CSMD1: variants seen among roughly 807,000 people sequenced by gnomAD.
The protein encoded by CSMD1 is CUB and Sushi multiple domains 1.
CSMD1 carries 213 observed loss-of-function variants against 417.5 expected under a neutral mutation model. The ratio of observed to expected loss-of-function variants is 0.51; its 90% confidence interval spans 0.46 to 0.57. CSMD1 has a LOEUF of 0.57. Among genes scored for constraint, CSMD1 ranks in the 20% least tolerant of loss-of-function variants. The probability of loss-of-function intolerance (pLI) is 0.00; values close to 1 mark genes in which losing one functional copy is unlikely to be tolerated. For synonymous variants in CSMD1, 2,862 were observed against 1,736.8 expected (o/e 1.65, Z -16.11); for missense variants, 6,923 against 4,529.7 (o/e 1.53, Z -15.17).
At chr8:3,095,906 A>G (rs1056883519) in intron 47 of CSMD1, among the ~76,000 whole-genome samples, 12 of 152,190 alleles carry the variant, frequency 7.9e-5, no homozygotes, top group African/African-American at 2.9e-4. Context: ...CTATTGTTGA[A>G]AACAGTATTG....
intron 7 of CSMD1, among the ~76,000 whole-genome samples, chr8:3,664,429 G>A (rs1014049802): frequency 2.0e-5 from 3 of 152,198 alleles, no homozygotes; most frequent in African/African-American, 4.8e-5. Flanking sequence ...CCAAAACCAT[G>A]TTATTCTGGG....
At chr8:4,675,289 T>G (rs1330683326) in intron 1 of CSMD1, among the ~76,000 whole-genome samples, 1 of 152,218 alleles carries the variant, frequency 6.6e-6, no homozygotes, top group Non-Finnish European at 1.5e-5. Flanking sequence ...GGGGCATTGT[T>G]GGAGCCTAAA....
chr8:3,753,947 A>G lies in CSMD1; in HGVS notation c.914T>C (p.Phe305Ser). The change falls in exon 6 of 70, where the codon TTT becomes TCT. Residue 305 changes from phenylalanine (F) to serine (S), a missense_variant. By Grantham distance (155) the Phe-to-Ser change is radical. Transcript: ENST00000635120. ...TSDSNHRRKG[F>S]NAQFQVKKAI... is the part of the protein sequence containing the mutation. Reference sequence around the variant, plus strand: ...ATCCTTACCTTGGAACTGAGCGTTAAATCCTTTGCGTCGGTGGTTGCTGTC... The same window carrying G: ...ATCCTTACCTTGGAACTGAGCGTTAGATCCTTTGCGTCGGTGGTTGCTGTC... 6.2e-7 allele frequency: 1 copy of G among 1,612,194 alleles called. No homozygotes were observed. Among genetic ancestry groups the G allele is most frequent in the Non-Finnish European group, 8.5e-7 (1 of 1,178,502 alleles).
intron 3 of CSMD1, among the ~76,000 whole-genome samples, chr8:4,053,077 G>A (rs562230670): frequency 6.6e-6 from 1 of 152,152 alleles, no homozygotes; most frequent in Admixed American, 6.5e-5. Context: ...GTGCTGAAAG[G>A]ATGATTGGAA....
chr8:4,406,637 C>G (rs1585027034), intron 3 of CSMD1, among the ~76,000 whole-genome samples: 1 of 152,140 alleles, frequency 6.6e-6, no homozygotes, highest in Non-Finnish European at 1.5e-5. Context: ...ACTGGCCACA[C>G]AACAGGAAGC....
At chr8:4,018,595 T>TCCAG (rs1274858340) in intron 4 of CSMD1, among the ~76,000 whole-genome samples, 1 of 152,214 alleles carries the variant, frequency 6.6e-6, no homozygotes, top group East Asian at 1.9e-4. Context: ...CAGCACCCCC[T>TCCAG]GCCCCACTCA....
chr8:4,298,051 C>T (rs1236328132), intron 3 of CSMD1, among the ~76,000 whole-genome samples: 2 of 152,136 alleles, frequency 1.3e-5, no homozygotes, highest in Admixed American at 1.3e-4. Context: ...TCAAGCATCA[C>T]TACCAGTACA....
chr8:3,272,390 C>A (rs577408828), intron 26 of CSMD1, among the ~76,000 whole-genome samples: 13 of 150,948 alleles, frequency 8.6e-5, no homozygotes, highest in African/African-American at 2.9e-4. Flanking sequence ...GTTCTTTTGG[C>A]TCAGGACTGA....
chr8:3,626,508 A>G (rs915646065), intron 7 of CSMD1, among the ~76,000 whole-genome samples: 9 of 152,220 alleles, frequency 5.9e-5, no homozygotes, highest in African/African-American at 2.2e-4. Context: ...ATATAGTTAT[A>G]GTTAAACATA....
chr8:4,885,804 G>C (rs1192495203), intron 1 of CSMD1, among the ~76,000 whole-genome samples: 5 of 151,916 alleles, frequency 3.3e-5, no homozygotes, highest in Admixed American at 2.0e-4. Context: ...TTTGAGTTCT[G>C]AGGAAATCCA....
At chr8:3,045,913 T>C (rs1204696144) in intron 50 of CSMD1, among the ~76,000 whole-genome samples, 2 of 151,954 alleles carry the variant, frequency 1.3e-5, no homozygotes, top group Non-Finnish European at 2.9e-5. Context: ...GAAGCAAGAG[T>C]GGAAGACAGT....
At chr8:4,344,546 A>G (rs1331879085) in intron 3 of CSMD1, among the ~76,000 whole-genome samples, 2 of 150,684 alleles carry the variant, frequency 1.3e-5, no homozygotes, top group African/African-American at 2.4e-5. Flanking sequence ...AAATAGGTAT[A>G]TAAGAATATA....
intron 3 of CSMD1, among the ~76,000 whole-genome samples, chr8:4,380,136 T>G (rs999919672): frequency 6.6e-6 from 1 of 152,186 alleles, no homozygotes; most frequent in Non-Finnish European, 1.5e-5. Context: ...TTCTAAATAG[T>G]TTCTACATAT....
intron 7 of CSMD1, among the ~76,000 whole-genome samples, chr8:3,637,416 A>G (rs1342396605): frequency 2.0e-5 from 3 of 152,198 alleles, no homozygotes; most frequent in Admixed American, 1.3e-4. Context: ...TAAATAAATT[A>G]AATAATGTAT....
chr8:3,592,712 G>C (rs1800907827), intron 8 of CSMD1, among the ~76,000 whole-genome samples: 2 of 151,996 alleles, frequency 1.3e-5, no homozygotes, highest in South Asian at 4.2e-4. Flanking sequence ...GTGTGTGTGA[G>C]TATGCACAGC....
At chr8:4,435,638 C>A (rs948549115) in intron 2 of CSMD1, among the ~76,000 whole-genome samples, 17 of 152,168 alleles carry the variant, frequency 1.1e-4, no homozygotes, top group Admixed American at 1.0e-3. Flanking sequence ...TAGCCTACCA[C>A]CTCCCTGGGG....
intron 1 of CSMD1, among the ~76,000 whole-genome samples, chr8:4,926,959 G>C (rs75414338): frequency 0.02 from 3,089 of 152,048 alleles, 88 homozygotes; most frequent in African/African-American, 0.07. Flanking sequence ...AAACTAAAAA[G>C]CATTCAGCTA....
At chr8:3,181,030 T>C in intron 37 of CSMD1, 80 bp downstream of exon 37, 2 of 842,132 alleles carry the variant, frequency 2.4e-6, no homozygotes, top group Non-Finnish European at 3.9e-6. Flanking sequence ...CACTGTTTAA[T>C]AAGAGCATGA....
intron 5 of CSMD1, among the ~76,000 whole-genome samples, chr8:3,969,753 T>A (rs1388403011): frequency 6.6e-6 from 1 of 151,666 alleles, no homozygotes; most frequent in Non-Finnish European, 1.5e-5. Flanking sequence ...CACAGAGGAA[T>A]CATACATATT....
Sources: allele counts gnomAD v4.1 joint callset (sites outside exome capture counted in the v4.1 genomes callset), GRCh38; gene constraint gnomAD v4.1.1; transcripts MANE v1.5; gene names NCBI Gene and HGNC (gene_info 2026-07-23, HGNC 2026-07-21).